Variants in KMT2A observed in about 807,000 individuals in gnomAD.
KMT2A encodes the protein lysine methyltransferase 2A, also known as histone-lysine N-methyltransferase 2A.
KMT2A carries 16 observed loss-of-function variants against 345.3 expected under a neutral mutation model. The observed-to-expected ratio is 0.05, with a 90% CI of 0.03 to 0.07. The LOEUF (loss-of-function observed/expected upper bound fraction) is 0.07, where lower values mean the gene tolerates loss of function less well. Ranked by LOEUF, KMT2A falls within the 10% of genes least tolerant of loss-of-function variation. KMT2A has a pLI of 1.00. For synonymous variants in KMT2A, 1,599 were observed against 1,778.6 expected (o/e 0.90, Z 2.54); for missense variants, 3,272 against 4,841.6 (o/e 0.68, Z 9.62).
intron 1 of KMT2A, among the ~76,000 whole-genome samples, chr11:118,467,573 A>C (rs1341523506): frequency 6.6e-6 from 1 of 152,180 alleles, no homozygotes; most frequent in Non-Finnish European, 1.5e-5. Flanking sequence ...AAAGCATTTA[A>C]ATTTAAGAGA....
rs1555049389 is a variant in KMT2A at position 118,509,153 on chromosome 11, C to T, written c.10853C>T (p.Pro3618Leu). ...GQPAGQVAVL[P>L]EVQVTQNPAN... is the part of the protein sequence containing the mutation. ...TTATTTAGGCAAGTCGCTGTTCTTC[C>T]GGAAGTTCAGGTGACCCAAAATCCA... Residue 3618 changes from proline (P) to leucine (L), a missense_variant, in exon 29 of 36, where the codon CCG (proline) becomes CTG (leucine). By Grantham distance (98) the Pro-to-Leu change is moderately conservative. Around this residue, in one of 27 missense-constraint regions of KMT2A, gnomAD observed 748 missense variants for 922.2 expected, o/e 0.81. Transcript: ENST00000534358. 1.2e-6 allele frequency: 2 copies of T among 1,613,582 alleles called. No individual in the cohort carries two copies. Among genetic ancestry groups the T allele is most frequent in the Non-Finnish European group, 8.5e-7 (1 of 1,179,736 alleles).
chr11:118,482,389 G>A (rs1555039603), intron 7 of KMT2A, 33 bp from the exon 8 acceptor site: 4 of 1,521,066 alleles, frequency 2.6e-6, no homozygotes, highest in Admixed American at 1.7e-5. Context: ...GTCGTTGCCA[G>A]CATCTGACTG....
Position 118,484,311 on chromosome 11 carries a change from T to C in KMT2A, c.4215T>C (p.Phe1405=). 1 of 1,613,966 alleles carries C rather than the reference T, an allele frequency of 6.2e-7. No individual in the cohort carries two copies. Residue 1405 remains phenylalanine (F), a synonymous_variant, in exon 9 of 36, where the codon TTT becomes TTC. Coordinates refer to ENST00000534358, the MANE Select transcript of KMT2A (RefSeq NM_001197104.2). The surrounding 1 kb of genome is among the most constrained non-coding windows in gnomAD (Gnocchi z 4.1). ...ADGVHRIRVD[F]KEDCEAENVW... is the part of the protein sequence containing the mutation. ...GAGTCCACAGGATCAGAGTGGACTTTAAGGTAAAGGTGTTCAGTGATCATA... is the reference window on the plus strand; with the variant it reads ...GAGTCCACAGGATCAGAGTGGACTTCAAGGTAAAGGTGTTCAGTGATCATA...
intron 1 of KMT2A, among the ~76,000 whole-genome samples, chr11:118,461,498 A>G (rs1221336756): frequency 6.6e-6 from 1 of 152,234 alleles, no homozygotes; most frequent in African/African-American, 2.4e-5. Context: ...TGCTGGTAAG[A>G]AAATGAAATA....
At chr11:118,452,609 G>A (rs565148361) in intron 1 of KMT2A, among the ~76,000 whole-genome samples, 40 of 151,874 alleles carry the variant, frequency 2.6e-4, no homozygotes, top group African/African-American at 9.6e-4. Flanking sequence ...TACCATCAAA[G>A]AAGTGCCCCC....
In KMT2A at chr11:118,494,396, C is replaced by A; in HGVS notation, c.5287C>A (p.Arg1763=). 2 of 1,507,980 alleles carry A rather than the reference C, an allele frequency of 1.3e-6. No individual in the cohort carries two copies. Among genetic ancestry groups the A allele is most frequent in the Non-Finnish European group, 1.8e-6 (2 of 1,083,830 alleles). 93.4% of individuals were successfully genotyped at this position (1,507,980 alleles called of 1,614,324 possible). A position where few individuals can be genotyped will look rare whatever the true frequency, so the allele number is the denominator to read the frequency against. The change falls in exon 17 of 36, where the codon CGG becomes AGG. Residue 1763 remains arginine (R), a splice_region_variant and synonymous_variant. Transcript: ENST00000534358. This position sits in a 1 kb window ranked among gnomAD's most constrained non-coding sequence, Gnocchi z 5.8. ...CAGCATGGTCAAGTCCTTCTTCATT[C>A]GGGTGAATGATATTACTAATTCATG... is the stretch of plus-strand genomic sequence containing the variant. ...ANSMVKSFFI[R]QMERVFPWFS...
Position 118,480,290 on chromosome 11 carries a change from A to G in KMT2A, c.3634+52A>G, listed in dbSNP as rs555277053. On this transcript the variant is annotated intron_variant, in intron 6 of 35. Coordinates refer to ENST00000534358, the MANE Select transcript of KMT2A (RefSeq NM_001197104.2). Reference sequence around the variant, plus strand: ...CAAATGCTCCTTGCTTAAATGGTGTATAGTTGTATACACCCAGTAGAAGAG... The same window carrying G: ...CAAATGCTCCTTGCTTAAATGGTGTGTAGTTGTATACACCCAGTAGAAGAG... The G allele has an allele frequency of 4.9e-5, 66 of 1,352,890 alleles. No homozygotes were observed. In the Admixed American group the frequency reaches 7.3e-4, roughly 15 times the overall value. The allele number at this position is 1,352,890 out of a possible 1,614,324, so 83.8% of individuals were successfully genotyped here. A position where few individuals can be genotyped will look rare whatever the true frequency, so the allele number is the denominator to read the frequency against.
chr11:118,459,064 T>G (rs2134222625), intron 1 of KMT2A, among the ~76,000 whole-genome samples: 1 of 152,248 alleles, frequency 6.6e-6, no homozygotes, highest in South Asian at 2.1e-4. Flanking sequence ...ATTTGATTTT[T>G]CAAACTCTTT....
chr11:118,449,654 A>G (rs1419914725), intron 1 of KMT2A: 1 of 151,838 alleles, frequency 6.6e-6, no homozygotes, highest in African/African-American at 2.4e-5. Context: ...TTATTTTGCC[A>G]AGAAGAATGT....
chr11:118,495,619 G>A lies in KMT2A; in HGVS notation c.5364-81G>A, dbSNP rs1401004732. The A allele has an allele frequency of 3.7e-6, 4 of 1,091,446 alleles. No homozygotes were observed. In the South Asian group the frequency reaches 7.7e-5, roughly 21 times the overall value. The allele number at this position is 1,091,446 out of a possible 1,614,324, so 67.6% of individuals were successfully genotyped here. On this transcript the variant is annotated intron_variant, in intron 18 of 35. Coordinates refer to ENST00000534358, the MANE Select transcript of KMT2A (RefSeq NM_001197104.2). The surrounding 1 kb of genome is among the most constrained non-coding windows in gnomAD (Gnocchi z 4.1). ...GAATGGCTCCTACATGGGGCAACAG[G>A]TGATATCAAGAATTTATTTTATACA... is the stretch of plus-strand genomic sequence containing the variant.
intron 1 of KMT2A, among the ~76,000 whole-genome samples, chr11:118,464,744 C>A (rs926657222): frequency 7.9e-5 from 12 of 152,120 alleles, no homozygotes; most frequent in African/African-American, 2.9e-4. Context: ...AAACAAAGCA[C>A]AATCAAAGTA....
chr11:118,509,234 A>G (rs1950641536), intron 29 of KMT2A, 34 bp downstream of exon 29: 1 of 1,512,404 alleles, frequency 6.6e-7, no homozygotes, highest in Non-Finnish European at 9.2e-7. Context: ...GAATCAGAGA[A>G]TATCAATGCT....
chr11:118,454,193 C>G (rs1322185140), intron 1 of KMT2A, among the ~76,000 whole-genome samples: 1 of 152,162 alleles, frequency 6.6e-6, no homozygotes, highest in Non-Finnish European at 1.5e-5. Context: ...AAATCCTATT[C>G]CTTCACTTTA....
intron 29 of KMT2A, 128 bp downstream of exon 29, chr11:118,509,328 A>C: frequency 2.7e-6 from 2 of 747,274 alleles, no homozygotes; most frequent in Non-Finnish European, 4.3e-6. Context: ...AAGTTAAGTG[A>C]TTTGGCCCAC....
intron 1 of KMT2A, among the ~76,000 whole-genome samples, chr11:118,442,465 A>G (rs1351745086): frequency 6.6e-6 from 1 of 152,230 alleles, no homozygotes; most frequent in Non-Finnish European, 1.5e-5. Context: ...CTTGGATCTT[A>G]TCTAGACTGG....
chr11:118,521,970 G>A lies in KMT2A; in HGVS notation c.11717G>A (p.Arg3906His), dbSNP rs2135298571. 6.2e-7 allele frequency: 1 copy of A among 1,614,154 alleles called. No homozygotes were observed. The highest frequency in any genetic ancestry group is 8.5e-7 in the Non-Finnish European group (1 of 1,180,006). ...GCCACCATGCATGGAAATGCTGCAC[G>A]CTTCATCAATCACTCGTGTGAGCCT... ...VDATMHGNAA[R>H]FINHSCEPNC... The change falls in exon 36 of 36, where the codon CGC becomes CAC. Residue 3906 changes from arginine to histidine, a missense_variant. By Grantham distance (29) the Arg-to-His change is conservative. Transcript: ENST00000534358. This position sits in a 1 kb window ranked among gnomAD's most constrained non-coding sequence, Gnocchi z 5.3.
intron 5 of KMT2A, among the ~76,000 whole-genome samples, chr11:118,479,317 A>G (rs1240629578): frequency 2.6e-5 from 4 of 152,188 alleles, no homozygotes; most frequent in South Asian, 2.1e-4. Context: ...ACTTTCTGCC[A>G]TCTGGCATAC....
chr11:118,443,091 T>C (rs921236246), intron 1 of KMT2A, among the ~76,000 whole-genome samples: 4 of 152,210 alleles, frequency 2.6e-5, no homozygotes, highest in Non-Finnish European at 5.9e-5. Context: ...GCCTGCACTC[T>C]TATACCTGAG....
chr11:118,523,646 C>A lies in KMT2A; in HGVS notation c.*1474C>A. ...CTTATGACAAGGCTATTTTTTAAAC[C>A]GCGGTATTATCCTAATTTAAAAGAA... On this transcript the variant is annotated 3_prime_UTR_variant, in exon 36 of 36. Coordinates refer to ENST00000534358, the MANE Select transcript of KMT2A (RefSeq NM_001197104.2). 4.4e-6 allele frequency: 1 copy of A among 227,768 alleles called. No individual in the cohort carries two copies. The highest frequency in any genetic ancestry group is 6.3e-5 in the East Asian group (1 of 15,752). 14.1% of individuals were successfully genotyped at this position (227,768 alleles called of 1,614,324 possible). A position where few individuals can be genotyped will look rare whatever the true frequency, so the allele number is the denominator to read the frequency against.
Sources: gnomAD v4.1 joint callset for allele counts (sites outside exome capture counted in the v4.1 genomes callset) on GRCh38, gnomAD v4.1.1 for gene constraint, gnomAD v4.1.1 regional missense constraint, Gnocchi (gnomAD v3.1) non-coding constraint, MANE v1.5 for transcripts, NCBI Gene and HGNC (gene_info 2026-07-23, HGNC 2026-07-21) for gene names.